DAAM1: variants seen among roughly 807,000 people sequenced by gnomAD.
DAAM1 encodes dishevelled associated activator of morphogenesis 1.
A neutral mutation model predicts 130.0 loss-of-function variants in DAAM1; 52 were observed. The ratio of observed to expected loss-of-function variants is 0.40; its 90% CI spans 0.32 to 0.50. The LOEUF is 0.50. Among genes scored for constraint, DAAM1 ranks in the 20% least tolerant of loss-of-function variants. The pLI is 0.61. For missense variants in DAAM1, 1,134 were observed against 1,303.8 expected (o/e 0.87, Z 2.01); for synonymous variants, 452 against 444.5 (o/e 1.02, Z -0.21).
intron 1 of DAAM1, among the ~76,000 whole-genome samples, chr14:59,251,221 T>G (rs889439341): frequency 6.6e-6 from 1 of 152,246 alleles, no homozygotes; most frequent in Non-Finnish European, 1.5e-5. Context: ...TACATCTTGG[T>G]GCCTGTGTAT....
chr14:59,307,624 A>G (rs1382094663), intron 3 of DAAM1, among the ~76,000 whole-genome samples: 1 of 152,172 alleles, frequency 6.6e-6, no homozygotes, highest in Non-Finnish European at 1.5e-5. Flanking sequence ...GTATTGGCTC[A>G]ACTAGTCTTT....
chr14:59,367,721 A>G, intron 24 of DAAM1, 122 bp downstream of exon 24: 1 of 1,312,022 alleles, frequency 7.6e-7, no homozygotes, highest in Non-Finnish European at 1.0e-6. Context: ...ACTCTCTAGA[A>G]TGCTGTGGGA....
chr14:59,270,516 G>T (rs1246855011), intron 2 of DAAM1, among the ~76,000 whole-genome samples: 1 of 152,084 alleles, frequency 6.6e-6, no homozygotes, highest in African/African-American at 2.4e-5. Context: ...CTTCCCATTA[G>T]GCCCCACCTC....
intron 20 of DAAM1, among the ~76,000 whole-genome samples, chr14:59,356,734 C>G (rs1252827396): frequency 6.6e-6 from 1 of 152,212 alleles, no homozygotes; most frequent in South Asian, 2.1e-4. Flanking sequence ...AATCACCCAT[C>G]CCCAATACTT....
chr14:59,252,385 A>G (rs756107154), intron 1 of DAAM1, among the ~76,000 whole-genome samples: 5 of 152,210 alleles, frequency 3.3e-5, no homozygotes, highest in African/African-American at 7.2e-5. Flanking sequence ...TTGGTATGCA[A>G]ATATCAGAGT....
intron 15 of DAAM1, among the ~76,000 whole-genome samples, chr14:59,332,517 G>A (rs1196445772): frequency 3.3e-5 from 5 of 152,194 alleles, no homozygotes. Flanking sequence ...ACTGAAAAGT[G>A]AGCAAAGCTT....
chr14:59,196,668 G>A (rs187740394), intron 1 of DAAM1, among the ~76,000 whole-genome samples: 3,798 of 152,020 alleles, frequency 0.025, 87 homozygotes, highest in Non-Finnish European at 0.034. Context: ...GCGTGAACCC[G>A]GGAGGCGGAG....
intron 22 of DAAM1, chr14:59,362,897 G>T (rs761543561): frequency 6.6e-6 from 1 of 152,134 alleles, no homozygotes; most frequent in Non-Finnish European, 1.5e-5. Flanking sequence ...CTACTTCAGG[G>T]CAAGTAATAT....
intron 1 of DAAM1, among the ~76,000 whole-genome samples, chr14:59,257,394 C>T (rs1302593571): frequency 6.7e-6 from 1 of 148,546 alleles, no homozygotes; most frequent in Non-Finnish European, 1.5e-5. Flanking sequence ...AAAAAAGGCA[C>T]TCAAATATGT....
intron 1 of DAAM1, among the ~76,000 whole-genome samples, chr14:59,233,443 A>G (rs986081735): frequency 6.6e-6 from 1 of 152,146 alleles, no homozygotes; most frequent in Non-Finnish European, 1.5e-5. Context: ...TCTTCTTTTG[A>G]GAAGTGTCTG....
chr14:59,295,160 T>A (rs890661571), intron 3 of DAAM1, among the ~76,000 whole-genome samples: 2 of 152,226 alleles, frequency 1.3e-5, no homozygotes, highest in Non-Finnish European at 2.9e-5. Flanking sequence ...GTGCCTAATT[T>A]TTCCTGCTTA....
intron 23 of DAAM1, among the ~76,000 whole-genome samples, chr14:59,364,719 A>G (rs565801217): frequency 6.6e-6 from 1 of 152,290 alleles, no homozygotes; most frequent in South Asian, 2.1e-4. Flanking sequence ...GTTTATGTAA[A>G]TGTACACACA....
chr14:59,243,281 G>T (rs1336094827), intron 1 of DAAM1, among the ~76,000 whole-genome samples: 3 of 152,000 alleles, frequency 2.0e-5, no homozygotes, highest in African/African-American at 7.2e-5. Context: ...CCAGATTTCT[G>T]TTTGGTCTCA....
intron 1 of DAAM1, among the ~76,000 whole-genome samples, chr14:59,190,183 C>T (rs1276432252): frequency 6.6e-6 from 1 of 152,088 alleles, no homozygotes; most frequent in Non-Finnish European, 1.5e-5. Flanking sequence ...CCTTTCACAG[C>T]CCCGGGACTC....
chr14:59,357,365 A>T (rs1886522894), intron 20 of DAAM1: 1 of 152,022 alleles, frequency 6.6e-6, no homozygotes, highest in Non-Finnish European at 1.5e-5. Context: ...CATTTCTTTT[A>T]AAAAATGAAA....
At chr14:59,332,096 C>A (rs1055322405) in intron 15 of DAAM1, among the ~76,000 whole-genome samples, 176 bp downstream of exon 15, 1 of 152,106 alleles carries the variant, frequency 6.6e-6, no homozygotes, top group Non-Finnish European at 1.5e-5. Flanking sequence ...TGTGAACAGT[C>A]GAAGATATAT....
At chr14:59,354,134 C>CA (rs1886387429) in intron 19 of DAAM1, among the ~76,000 whole-genome samples, 170 bp downstream of exon 19, 1 of 151,200 alleles carries the variant, frequency 6.6e-6, no homozygotes, top group South Asian at 2.1e-4. Context: ...GATCTTGGCT[C>CA]AGTGCAAGCT....
intron 1 of DAAM1, among the ~76,000 whole-genome samples, chr14:59,250,027 G>A (rs1175253097): frequency 6.6e-6 from 1 of 152,024 alleles, no homozygotes; most frequent in Non-Finnish European, 1.5e-5. Flanking sequence ...TCTTGTTCTT[G>A]GGTATATTTG....
chr14:59,263,742 T>C (rs992604075), intron 2 of DAAM1, 82 bp downstream of exon 2: 12 of 1,565,776 alleles, frequency 7.7e-6, no homozygotes, highest in Non-Finnish European at 1.0e-5. Flanking sequence ...TTGGTTTGGT[T>C]TGACATGGAC....
Sources: allele counts gnomAD v4.1 joint callset (sites outside exome capture counted in the v4.1 genomes callset), GRCh38; gene constraint gnomAD v4.1.1; transcripts MANE v1.5; gene names NCBI Gene and HGNC (gene_info 2026-07-23, HGNC 2026-07-21).